PKD1: variants seen among roughly 807,000 people sequenced by gnomAD.
PKD1 encodes polycystin 1, transient receptor potential channel interacting.
In PKD1, 81 loss-of-function variants were observed where a neutral mutation model predicts 361.7. The ratio of observed to expected loss-of-function variants is 0.22; its 90% CI spans 0.19 to 0.27. The LOEUF is 0.27. Ranked by LOEUF, PKD1 falls within the 10% of genes least tolerant of loss-of-function variation. The pLI, the probability that PKD1 is intolerant of heterozygous loss-of-function variation, is 1.00. For synonymous variants in PKD1, 3,615 were observed against 2,818.3 expected, an observed-to-expected ratio of 1.28 and a Z score of -8.95; for missense variants, 6,399 against 6,118.3, an observed-to-expected ratio of 1.05 and a Z score of -1.53.
chr16:2,091,666 G>A (rs1434665502), intron 41 of PKD1, 69 bp from the exon 42 acceptor site: 6 of 1,559,446 alleles, frequency 3.8e-6, no homozygotes, highest in South Asian at 2.3e-5. Context: ...CGCAGTGCAG[G>A]CGTGGCTGAG....
chr16:2,100,886 G>A lies in PKD1; in HGVS notation c.9398-320C>T, dbSNP rs889830359. ...TCCACGCCTCAGTCATGCCACAACC[G>A]GTGACCCGCACCACACACCCGTCCC... is the stretch of plus-strand genomic sequence containing the variant. On this transcript the variant is annotated intron_variant, in intron 26 of 45. Transcript: ENST00000262304. The surrounding 1 kb of genome is among the most constrained non-coding windows in gnomAD (Gnocchi z 4.4). The A allele has an allele frequency of 1.6e-4, 71 of 455,998 alleles. No homozygotes were observed. Among genetic ancestry groups the A allele is most frequent in the Non-Finnish European group, 2.5e-4 (62 of 245,482 alleles). The allele number at this position is 455,998 out of a possible 1,614,324, so 28.2% of individuals were successfully genotyped here. A position where few individuals can be genotyped will look rare whatever the true frequency, so the allele number is the denominator to read the frequency against.
At position 2,105,829 on chromosome 16, in the gene PKD1, C is replaced by A. The variant is rs745781149; in HGVS notation, c.7863+36G>T. 1.9e-6 allele frequency: 3 copies of A among 1,584,796 alleles called. No individual in the cohort carries two copies. In the South Asian group the frequency reaches 3.3e-5, roughly 17 times the overall value. ...CAGGTCTTGGTCCCAAGCACGCATG[C>A]AGCAGATGTGACGTCCCCTCCCAGG... On this transcript the variant is annotated intron_variant, in intron 20 of 45. Transcript: ENST00000262304.
chr16:2,090,970 G>T lies in PKD1; in HGVS notation c.11917C>A (p.Arg3973Ser). 1 of 1,543,128 alleles carries T rather than the reference G, an allele frequency of 6.5e-7. No individual in the cohort carries two copies. The highest frequency in any genetic ancestry group is 8.7e-7 in the Non-Finnish European group (1 of 1,150,538). ...GCCACCTGGTCGAAGCTAGTGAAGC[G>T]GCGCGGGCGGCCGCGCACGAAACGG... is the stretch of plus-strand genomic sequence containing the variant. Reference protein sequence around the residue: ...WTRFVRGRPRRFTSFDQVAQL... With the variant: ...WTRFVRGRPRSFTSFDQVAQL... Residue 3973 changes from arginine to serine, a missense_variant, in exon 43 of 46, where the codon CGC (arginine) becomes AGC (serine). Coordinates refer to ENST00000262304, the MANE Select transcript of PKD1 (RefSeq NM_001009944.3).
chr16:2,119,889 G>A (rs917086103), intron 1 of PKD1: 5 of 700,278 alleles, frequency 7.1e-6, no homozygotes, highest in African/African-American at 5.3e-5. Context: ...GGGAGCAGGC[G>A]CCACCTCGAG....
intron 34 of PKD1, 82 bp from the exon 35 acceptor site, chr16:2,094,292 G>C: frequency 2.3e-6 from 2 of 880,852 alleles, no homozygotes; most frequent in South Asian, 2.8e-5. Flanking sequence ...TGGGCGGGCA[G>C]TTTCTTGAGC....
At chr16:2,121,621 T>C (rs186973742) in intron 1 of PKD1, among the ~76,000 whole-genome samples, 64 of 151,856 alleles carry the variant, frequency 4.2e-4, no homozygotes, top group Middle Eastern at 3.4e-3. Context: ...CGGAGGTGAG[T>C]AGACAGAGAG....
intron 39 of PKD1, 104 bp from the exon 40 acceptor site, chr16:2,092,292 AG>A: frequency 7.8e-7 from 1 of 1,279,440 alleles, no homozygotes; most frequent in Non-Finnish European, 1.1e-6. Flanking sequence ...GCGCCACCCC[AG>A]GGAACCCTCC....
intron 34 of PKD1, among the ~76,000 whole-genome samples, chr16:2,095,785 G>C (rs2091821199): frequency 6.6e-6 from 1 of 152,236 alleles, no homozygotes; most frequent in Non-Finnish European, 1.5e-5. Flanking sequence ...GCTCTGTGTG[G>C]ATGCGGAGTC....
rs1362627073 is a variant in PKD1, at chr16:2,089,828, G to A, written c.12811C>T (p.Pro4271Ser). The A allele has an allele frequency of 5.0e-6, 8 of 1,603,516 alleles. No individual in the cohort carries two copies. In the Admixed American group the frequency reaches 1.2e-4, roughly 24 times the overall value. ...GPSPGLRPAL[P>S]SRLARASRGV... ...CGACTGGCCCGGGCAAGGCGGCTGG[G>A]CAGTGCTGGCCGCAGGCCCGGGGAT... is the stretch of plus-strand genomic sequence containing the variant. Residue 4271 changes from proline (P) to serine (S), a missense_variant, in exon 46 of 46, where the codon CCC (proline) becomes TCC (serine). Transcript: ENST00000262304.
rs564861018 is a variant in PKD1, at chr16:2,124,261, C to T, written c.216-4883G>A. Among the ~76,000 whole-genome samples, 4 of 152,340 alleles carry T rather than the reference C, an allele frequency of 2.6e-5. No homozygotes were observed. In the East Asian group the frequency reaches 7.7e-4, roughly 29 times the overall value. On this transcript the variant is annotated intron_variant, in intron 1 of 45. Coordinates refer to ENST00000262304, the MANE Select transcript of PKD1 (RefSeq NM_001009944.3). ...GGCCCGAGGTAGCTGACACGTGTCT[C>T]ATGCTGCAGCGGGTCTGCCCGCCAC...
intron 16 of PKD1, chr16:2,107,608 G>A (rs1386886338): frequency 5.5e-6 from 3 of 543,156 alleles, no homozygotes; most frequent in Admixed American, 2.9e-5. Flanking sequence ...GGCTACCTCT[G>A]GGGTGGGAAG....
Position 2,118,555 on chromosome 16 carries a change from C to T in PKD1, c.530-93G>A. On this transcript the variant is annotated intron_variant, in intron 4 of 45. Transcript: ENST00000262304. The surrounding 1 kb of genome is among the most constrained non-coding windows in gnomAD (Gnocchi z 6.0). ...CCCGCCGCACTCACAGGCTCCCATG[C>T]TGTTCCCTTGGCCCGGAGGCCCCCC... 1 of 1,166,476 alleles carries T rather than the reference C, an allele frequency of 8.6e-7. No homozygotes were observed. Among genetic ancestry groups the T allele is most frequent in the Non-Finnish European group, 1.2e-6 (1 of 811,394 alleles). 72.3% of individuals were successfully genotyped at this position (1,166,476 alleles called of 1,614,324 possible).
chr16:2,090,961 T>C lies in PKD1; in HGVS notation c.11926A>G (p.Ser3976Gly). ...CTCAGCTGCGCCACCTGGTCGAAGC[T>C]AGTGAAGCGGCGCGGGCGGCCGCGC... ...FVRGRPRRFT[S>G]FDQVAQLSSA... Residue 3976 changes from serine (S) to glycine (G), a missense_variant, in exon 43 of 46, where the codon AGC becomes GGC. Physicochemically the swap from Ser to Gly is moderately conservative, Grantham distance 56. Coordinates refer to ENST00000262304, the MANE Select transcript of PKD1 (RefSeq NM_001009944.3). 2 of 1,553,218 alleles carry C rather than the reference T, an allele frequency of 1.3e-6. No homozygotes were observed. The highest frequency in any genetic ancestry group is 8.7e-7 in the Non-Finnish European group (1 of 1,155,892).
At chr16:2,129,153 G>C (rs1379734718) in intron 1 of PKD1, among the ~76,000 whole-genome samples, 1 of 149,154 alleles carries the variant, frequency 6.7e-6, no homozygotes, top group Non-Finnish European at 1.5e-5. Context: ...GAACCACCGC[G>C]CCCACCCTGT....
rs769045618 is a variant in PKD1 at position 2,100,443 on chromosome 16, T to C, written c.9521A>G (p.His3174Arg). The C allele has an allele frequency of 1.2e-6, 2 of 1,610,976 alleles. No homozygotes were observed. The highest frequency in any genetic ancestry group is 1.7e-6 in the Non-Finnish European group (2 of 1,179,674). ...GATCTTCCACACGCTACCCAGGCTG[T>C]GCGGGGTGGCGATCCGGAAGATGTC... Reference protein sequence around the residue: ...SLDIFRIATPHSLGSVWKIRV... With the variant: ...SLDIFRIATPRSLGSVWKIRV... The change falls in exon 27 of 46, where the codon CAC (histidine) becomes CGC (arginine). Residue 3174 changes from histidine to arginine, a missense_variant. Physicochemically the swap from His to Arg is conservative, Grantham distance 29. Transcript: ENST00000262304. The surrounding 1 kb of genome is among the most constrained non-coding windows in gnomAD (Gnocchi z 4.4).
rs370769615 is a variant in PKD1, at chr16:2,117,645, G to A, written c.1229C>T (p.Thr410Met). The change falls in exon 6 of 46, where the codon ACG becomes ATG. Residue 410 changes from threonine to methionine, a missense_variant. Physicochemically the swap from Thr to Met is moderately conservative, Grantham distance 81. Coordinates refer to ENST00000262304, the MANE Select transcript of PKD1 (RefSeq NM_001009944.3). Reference sequence around the variant, plus strand: ...GTGCCCGTTGCCAGGGAAGATCTCCGTGTCCGAGGGGCAGAGCGGGTGCAC... The same window carrying A: ...GTGCCCGTTGCCAGGGAAGATCTCCATGTCCGAGGGGCAGAGCGGGTGCAC... ...RAVHPLCPSD[T>M]EIFPGNGHCY... The A allele has an allele frequency of 1.4e-5, 23 of 1,610,430 alleles. No individual in the cohort carries two copies. Among genetic ancestry groups the A allele is most frequent in the African/African-American group, 1.2e-4 (9 of 74,854 alleles).
chr16:2,103,768 G>A lies in PKD1; in HGVS notation c.8289C>T (p.Leu2763=), dbSNP rs550998414. Residue 2763 remains leucine (L), a synonymous_variant, in exon 23 of 46, where the codon CTC becomes CTT. Coordinates refer to ENST00000262304, the MANE Select transcript of PKD1 (RefSeq NM_001009944.3). ...CCTCGTTGAGCACGCGGGAGCGCATGAGGATGCGCATGAGGGCAGAGGTCA... is the reference window on the plus strand; with the variant it reads ...CCTCGTTGAGCACGCGGGAGCGCATAAGGATGCGCATGAGGGCAGAGGTCA... ...YNLTSALMRI[L]MRSRVLNEEP... is the part of the protein sequence containing the mutation. The A allele has an allele frequency of 1.2e-6, 2 of 1,609,834 alleles. No homozygotes were observed. Among genetic ancestry groups the A allele is most frequent in the African/African-American group, 1.3e-5 (1 of 74,768 alleles).
chr16:2,093,258 C>A (rs1414428298), intron 37 of PKD1, 165 bp from the exon 38 acceptor site: 16 of 824,776 alleles, frequency 1.9e-5, no homozygotes, highest in Non-Finnish European at 2.7e-5. Context: ...CAGCACACAC[C>A]CTGCCCGGAA....
Position 2,106,957 on chromosome 16 carries a change from G to A in PKD1, c.7066-9C>T, listed in dbSNP as rs760654069. 16 of 1,584,710 alleles carry A rather than the reference G, an allele frequency of 1.0e-5. No individual in the cohort carries two copies. In the African/African-American group the frequency reaches 1.5e-4, roughly 15 times the overall value. ...CCACTCCGGATCAGCACCTGGCGTG[G>A]GAGTGGGGTTACCTCCAACACAGGT... is the stretch of plus-strand genomic sequence containing the variant. On this transcript the variant is annotated splice_polypyrimidine_tract_variant and intron_variant, in intron 16 of 45. Transcript: ENST00000262304. This position sits in a 1 kb window ranked among gnomAD's most constrained non-coding sequence, Gnocchi z 6.5.
Sources: gnomAD v4.1 joint callset for allele counts (sites outside exome capture counted in the v4.1 genomes callset) on GRCh38, gnomAD v4.1.1 for gene constraint, Gnocchi (gnomAD v3.1) non-coding constraint, MANE v1.5 for transcripts, NCBI Gene and HGNC (gene_info 2026-07-23, HGNC 2026-07-21) for gene names.